Variants in RIN2 observed in about 807,000 individuals in gnomAD.
RIN2 encodes RAB5 interacting protein 2.
In RIN2, 36 loss-of-function variants were observed where a neutral mutation model predicts 78.0. The observed-to-expected ratio is 0.46, with a 90% CI of 0.35 to 0.61. The LOEUF is 0.61. Ranked by LOEUF, RIN2 falls within the 20% of genes least tolerant of loss-of-function variation. The pLI is 0.00. For missense variants in RIN2, 1,087 were observed against 1,159.7 expected (o/e 0.94, Z 0.91); for synonymous variants, 466 against 466.8 (o/e 1.00, Z 0.02).
chr20:19,965,138 A>G, intron 7 of RIN2, 114 bp downstream of exon 7: 1 of 815,026 alleles, frequency 1.2e-6, no homozygotes, highest in South Asian at 1.5e-5. Flanking sequence ...ATGTTGGCAG[A>G]TTAAGACTGG....
At chr20:19,982,651 G>A (rs751915569) in intron 9 of RIN2, among the ~76,000 whole-genome samples, 6 of 152,252 alleles carry the variant, frequency 3.9e-5, no homozygotes, top group Admixed American at 6.5e-5. Context: ...AATGTAACAC[G>A]GTGTTGTGGA....
rs61328325 is a variant in RIN2 at position 19,942,118 on chromosome 20, A to AAAAAAAAAAAAAG, written c.158+6923_158+6924insAAAAAAAAGAAAA. Among the ~76,000 whole-genome samples, 110 of 142,986 alleles carry AAAAAAAAAAAAAG rather than the reference A, an allele frequency of 7.7e-4. 3 individuals carry two copies. Among genetic ancestry groups the AAAAAAAAAAAAAG allele is most frequent in the African/African-American group, 2.7e-3 (97 of 36,410 alleles). The allele number at this position is 142,986 out of a possible 152,430, so 93.8% of individuals were successfully genotyped here. A position where few individuals can be genotyped will look rare whatever the true frequency, so the allele number is the denominator to read the frequency against. ...GAGTGAGACTCTATCTCAAAAAAAAAAAAAGAAAGAGAAAGTATTTATTCA... is the reference window on the plus strand; with the variant it reads ...GAGTGAGACTCTATCTCAAAAAAAAAAAAAAAAAAAAAGAAAAGAAAGAGAAAGTATTTATTCA... On this transcript the variant is annotated intron_variant, in intron 4 of 12. Transcript: ENST00000255006.
chr20:19,908,423 G>A (rs984708637), intron 3 of RIN2, among the ~76,000 whole-genome samples: 11 of 151,486 alleles, frequency 7.3e-5, no homozygotes, highest in African/African-American at 9.7e-5. Context: ...CCCGGGAGGC[G>A]GAGCGTGCAT....
chr20:19,916,594 C>T (rs2039694331), intron 3 of RIN2, among the ~76,000 whole-genome samples: 1 of 152,170 alleles, frequency 6.6e-6, no homozygotes, highest in Admixed American at 6.5e-5. Flanking sequence ...GAGTGAGATC[C>T]TGTCCAAAAA....
chr20:19,861,713 C>A (rs1213157463), intron 2 of RIN2, among the ~76,000 whole-genome samples: 1 of 151,468 alleles, frequency 6.6e-6, no homozygotes, highest in East Asian at 1.9e-4. Flanking sequence ...ATCTGATGAT[C>A]ATCCTCCATA....
At chr20:19,881,765 A>G (rs1192400559) in intron 2 of RIN2, among the ~76,000 whole-genome samples, 2 of 152,120 alleles carry the variant, frequency 1.3e-5, no homozygotes, top group Non-Finnish European at 2.9e-5. Flanking sequence ...GGACATTTTC[A>G]TGTAACCCTG....
At chr20:19,823,982 A>C in intron 2 of RIN2, 1 of 1,295,698 alleles carries the variant, frequency 7.7e-7, no homozygotes, top group Non-Finnish European at 1.1e-6. Context: ...CGGATTCAGG[A>C]CGACCGAAGA....
intron 1 of RIN2, among the ~76,000 whole-genome samples, chr20:19,782,930 C>T (rs1346249636): frequency 2.0e-5 from 3 of 152,210 alleles, no homozygotes; most frequent in Non-Finnish European, 2.9e-5. Context: ...AGGCCTGCAA[C>T]AGGAGGAGCC....
intron 2 of RIN2, among the ~76,000 whole-genome samples, chr20:19,846,960 T>A (rs944233487): frequency 1.3e-5 from 2 of 152,230 alleles, no homozygotes; most frequent in African/African-American, 4.8e-5. Flanking sequence ...TCACAGACCT[T>A]TTGATTTTTC....
chr20:19,972,264 T>C (rs1055701094), intron 8 of RIN2, among the ~76,000 whole-genome samples: 1 of 152,180 alleles, frequency 6.6e-6, no homozygotes, highest in African/African-American at 2.4e-5. Flanking sequence ...GTCAACTAGA[T>C]TCTAGGCCTC....
In RIN2 at chr20:19,843,694, C is replaced by A. The variant is rs534931542; in HGVS notation, c.-37+43947C>A. Among the ~76,000 whole-genome samples the A allele has an allele frequency of 3.3e-4, 50 of 152,112 alleles. 2 individuals carry two copies. Among genetic ancestry groups the A allele is most frequent in the Non-Finnish European group, 3.7e-4 (25 of 68,028 alleles). On this transcript the variant is annotated intron_variant, in intron 2 of 12. Transcript: ENST00000255006. ...CTGCTTTATTGTGGTGGTCTGGAAC[C>A]AAACCAACAGTAACTCCAAGAGGTG...
At chr20:19,779,111 C>A (rs2034410280) in intron 1 of RIN2, among the ~76,000 whole-genome samples, 1 of 152,096 alleles carries the variant, frequency 6.6e-6, no homozygotes, top group African/African-American at 2.4e-5. Flanking sequence ...TGGATCATCA[C>A]AAATCTGTAA....
At chr20:19,824,347 T>C (rs2036020598) in intron 2 of RIN2, among the ~76,000 whole-genome samples, 1 of 152,252 alleles carries the variant, frequency 6.6e-6, no homozygotes, top group African/African-American at 2.4e-5. Flanking sequence ...AAAATACATG[T>C]ACCTAGTACA....
chr20:19,795,200 T>G (rs919553123), intron 1 of RIN2, among the ~76,000 whole-genome samples: 1 of 152,188 alleles, frequency 6.6e-6, no homozygotes, highest in Admixed American at 6.5e-5. Flanking sequence ...TCTGTTTCTG[T>G]TTTTAATATG....
chr20:19,938,432 C>T (rs1367624438), intron 4 of RIN2, among the ~76,000 whole-genome samples: 1 of 151,820 alleles, frequency 6.6e-6, no homozygotes, highest in Non-Finnish European at 1.5e-5. Context: ...TCTGTGTTGC[C>T]CAGGTGTGTC....
rs1188806489 is a variant in RIN2, at chr20:19,974,725, G to A, written c.700G>A (p.Gly234Ser). 7 of 1,613,928 alleles carry A rather than the reference G, an allele frequency of 4.3e-6. No homozygotes were observed. The highest frequency in any genetic ancestry group is 2.2e-5 in the East Asian group (1 of 44,878). ...TCCCCATAGGCCTCTTTCCTCCGAC[G>A]GTGTCTGTCCTGCCTCCCTGCGTCA... The part of the protein sequence containing the change: ...PPPHRPLSSD[G>S]VCPASLRQLC... The change falls in exon 9 of 13, where the codon GGT (glycine) becomes AGT (serine). Residue 234 changes from glycine (G) to serine (S), a missense_variant. Around this residue, in one of 8 missense-constraint regions of RIN2, gnomAD observed 706 missense variants for 667.5 expected, o/e 1.06. Coordinates refer to ENST00000255006, the MANE Select transcript of RIN2 (RefSeq NM_018993.4).
At chr20:19,770,915 C>T (rs939566116) in intron 1 of RIN2, among the ~76,000 whole-genome samples, 24 of 149,736 alleles carry the variant, frequency 1.6e-4, no homozygotes, top group Admixed American at 4.0e-4. Flanking sequence ...AAGTCCCGGC[C>T]TCCGGATCTG....
intron 11 of RIN2, among the ~76,000 whole-genome samples, chr20:19,994,938 A>AT (rs2146408443): frequency 6.6e-6 from 1 of 152,298 alleles, no homozygotes; most frequent in East Asian, 1.9e-4. Flanking sequence ...TGGAAAGTGC[A>AT]TGGCTCAGGG....
chr20:19,981,006 G>A (rs538058860), intron 9 of RIN2, among the ~76,000 whole-genome samples: 15 of 152,330 alleles, frequency 9.8e-5, no homozygotes, highest in African/African-American at 3.6e-4. Context: ...AAAGAGCCAA[G>A]TGAGAGCACT....
Sources: gnomAD v4.1 joint callset for allele counts (sites outside exome capture counted in the v4.1 genomes callset) on GRCh38, gnomAD v4.1.1 for gene constraint, gnomAD v4.1.1 regional missense constraint, MANE v1.5 for transcripts, NCBI Gene and HGNC (gene_info 2026-07-23, HGNC 2026-07-21) for gene names.